Variants in ELOA observed in about 807,000 individuals in gnomAD.
ELOA encodes elongin A, also known as elongin-A.
Under a neutral mutation model 85.2 loss-of-function variants are expected in ELOA, and 15 were observed. The ratio of observed to expected loss-of-function variants is 0.18; its 90% CI spans 0.12 to 0.27. ELOA has a LOEUF of 0.27. Ranked by LOEUF, ELOA falls within the 10% of genes least tolerant of loss-of-function variation. The pLI is 1.00. For missense variants in ELOA, 769 were observed against 952.7 expected (o/e 0.81, Z 2.54); for synonymous variants, 348 against 357.2 (o/e 0.97, Z 0.29).
chr1:23,756,010 C>T lies in ELOA; in HGVS notation c.1959C>T (p.Ala653=). ...CAAAGAATATCCAGTTCGCACATGC[C>T]AATAAGCCCAAAGGTAACAGAGACG... ...VLTKNIQFAH[A]NKPKGRQAKM... The change falls in exon 8 of 11, where the codon GCC becomes GCT. Residue 653 remains alanine, a synonymous_variant. Transcript: ENST00000613537. 1 of 1,612,920 alleles carries T rather than the reference C, an allele frequency of 6.2e-7. No individual in the cohort carries two copies. The highest frequency in any genetic ancestry group is 8.5e-7 in the Non-Finnish European group (1 of 1,179,654).
At chr1:23,749,801 T>C in intron 2 of ELOA, 41 bp from the exon 3 acceptor site, 1 of 1,565,242 alleles carries the variant, frequency 6.4e-7, no homozygotes, top group Non-Finnish European at 8.8e-7. Flanking sequence ...AACGTTAGCC[T>C]AGTTCCAGAC....
intron 1 of ELOA, among the ~76,000 whole-genome samples, chr1:23,748,554 A>G (rs1322678717): frequency 6.6e-6 from 1 of 152,174 alleles, no homozygotes; most frequent in Non-Finnish European, 1.5e-5. Context: ...TCTGTTAAAC[A>G]CTGTGGCCCT....
chr1:23,748,632 A>G (rs75387112), intron 1 of ELOA, among the ~76,000 whole-genome samples: 4,227 of 152,306 alleles, frequency 0.028, 180 homozygotes, highest in African/African-American at 0.095. Context: ...TGCCAGGTCC[A>G]TGGGTAATTC....
Position 23,757,014 on chromosome 1 carries a change from A to G in ELOA, c.2146A>G (p.Asn716Asp). The change falls in exon 10 of 11, where the codon AAC becomes GAC. Residue 716 changes from asparagine (N) to aspartate (D), a missense_variant. Transcript: ENST00000613537. ...SHASASSISF[N>D]PSPEEPAYDG... The stretch of plus-strand genomic sequence containing the variant: ...TGCTTCCGCCAGTAGCATCAGCTTT[A>G]ACCCCAGCCCTGAGGAGCCGGCCTA... 6.2e-7 allele frequency: 1 copy of G among 1,609,024 alleles called. No homozygotes were observed.
intron 1 of ELOA, among the ~76,000 whole-genome samples, chr1:23,746,754 GCCTCAA>G (rs1644749049): frequency 1.3e-5 from 2 of 152,144 alleles, no homozygotes; most frequent in Non-Finnish European, 2.9e-5. Flanking sequence ...CAACTGAGAT[GCCTCAA>G]CATGTACCTT....
At chr1:23,745,614 T>C (rs962659885) in intron 1 of ELOA, among the ~76,000 whole-genome samples, 1 of 151,922 alleles carries the variant, frequency 6.6e-6, no homozygotes, top group African/African-American at 2.4e-5. Context: ...TGAGAAAATG[T>C]TGGGAGATCA....
At chr1:23,749,760 C>G in intron 2 of ELOA, 82 bp from the exon 3 acceptor site, 1 of 1,215,894 alleles carries the variant, frequency 8.2e-7, no homozygotes, top group Non-Finnish European at 1.2e-6. Flanking sequence ...TGTTGAGTTT[C>G]TCAAAGTAGA....
At position 23,761,561 on chromosome 1, in the gene ELOA, A is replaced by T. The variant is rs572133257; in HGVS notation, c.*1988A>T. 1 of 152,178 alleles carries T rather than the reference A, an allele frequency of 6.6e-6. No individual in the cohort carries two copies. The highest frequency in any genetic ancestry group is 1.5e-5 in the Non-Finnish European group (1 of 68,040). 9.4% of individuals were successfully genotyped at this position (152,178 alleles called of 1,614,324 possible). A position where few individuals can be genotyped will look rare whatever the true frequency, so the allele number is the denominator to read the frequency against. On this transcript the variant is annotated 3_prime_UTR_variant, in exon 11 of 11. Transcript: ENST00000613537. ...TTTTGGCACATAAAGATTTTTGATG[A>T]GCCCTGTTTGCATAGAGCCAGATGT... is the stretch of plus-strand genomic sequence containing the variant.
chr1:23,746,078 C>G (rs889632643), intron 1 of ELOA, among the ~76,000 whole-genome samples: 14 of 152,074 alleles, frequency 9.2e-5, no homozygotes, highest in Non-Finnish European at 1.6e-4. Flanking sequence ...CACCTGAGAT[C>G]AGGAGTTCGA....
At chr1:23,758,262 T>TTTTTA (rs1638236492) in intron 10 of ELOA, among the ~76,000 whole-genome samples, 1 of 59,128 alleles carries the variant, frequency 1.7e-5, no homozygotes, top group East Asian at 5.6e-4. Flanking sequence ...TTTATTTATT[T>TTTTTA]TTTTTTTTTT....
At chr1:23,746,971 A>G (rs971956931) in intron 1 of ELOA, among the ~76,000 whole-genome samples, 1 of 152,194 alleles carries the variant, frequency 6.6e-6, no homozygotes, top group Non-Finnish European at 1.5e-5. Context: ...AGACTAAATG[A>G]GTCTGAAAAT....
At chr1:23,744,932 T>C (rs1286363239) in intron 1 of ELOA, among the ~76,000 whole-genome samples, 1 of 152,132 alleles carries the variant, frequency 6.6e-6, no homozygotes, top group African/African-American at 2.4e-5. Context: ...AGAAAACCAA[T>C]CGTCATTCTT....
chr1:23,743,722 T>G, intron 1 of ELOA, 144 bp downstream of exon 1: 1 of 1,045,618 alleles, frequency 9.6e-7, no homozygotes, highest in Non-Finnish European at 1.3e-6. Flanking sequence ...TCGCGGCCAT[T>G]GACCGCTGCC....
chr1:23,755,779 CAAAAA>C (rs371132818), intron 7 of ELOA, 59 bp from the exon 8 acceptor site: 16 of 1,103,018 alleles, frequency 1.5e-5, no homozygotes, highest in Admixed American at 3.0e-5. Flanking sequence ...GACTCTGTCT[CAAAAA>C]AAAAAAAAAA....
At chr1:23,757,811 GAAA>G (rs575030502) in intron 10 of ELOA, among the ~76,000 whole-genome samples, 2 of 108,448 alleles carry the variant, frequency 1.8e-5, no homozygotes, top group African/African-American at 6.5e-5. Context: ...CCTGTCTCTG[GAAA>G]AAAAAAAAAA....
chr1:23,748,926 T>C, intron 1 of ELOA, 95 bp from the exon 2 acceptor site: 1 of 931,722 alleles, frequency 1.1e-6, no homozygotes. Context: ...ATACTTATAC[T>C]CATTACTGTA....
intron 1 of ELOA, among the ~76,000 whole-genome samples, 198 bp downstream of exon 1, chr1:23,743,776 C>A (rs945977447): frequency 1.3e-5 from 2 of 152,102 alleles, no homozygotes; most frequent in African/African-American, 4.8e-5. Flanking sequence ...ACGCGGGGCC[C>A]CGGCCGCTCC....
At position 23,749,866 on chromosome 1, in the gene ELOA, A is replaced by G. The variant is rs1343600308; in HGVS notation, c.157A>G (p.Asn53Asp). 2 of 1,613,872 alleles carry G rather than the reference A, an allele frequency of 1.2e-6. No individual in the cohort carries two copies. The highest frequency in any genetic ancestry group is 1.7e-6 in the Non-Finnish European group (2 of 1,179,902). ...LAETGVGKTV[N>D]SLRKHEHVGS... The stretch of plus-strand genomic sequence containing the variant: ...GGAGACTGGGGTTGGGAAAACAGTA[A>G]ATAGCTTGCGAAAACACGAGCATGT... Residue 53 changes from asparagine (N) to aspartate (D), a missense_variant, in exon 3 of 11, where the codon AAT becomes GAT. Around this residue, in one of 4 missense-constraint regions of ELOA, gnomAD observed 440 missense variants for 474.0 expected, o/e 0.93. Coordinates refer to ENST00000613537, the MANE Select transcript of ELOA (RefSeq NM_003198.3).
chr1:23,747,692 T>TG (rs1478177081), intron 1 of ELOA, among the ~76,000 whole-genome samples: 1 of 152,104 alleles, frequency 6.6e-6, no homozygotes, highest in Non-Finnish European at 1.5e-5. Context: ...GGATTTGAAG[T>TG]GGGGGATAAT....
Sources: allele counts gnomAD v4.1 joint callset (sites outside exome capture counted in the v4.1 genomes callset), GRCh38; gene constraint gnomAD v4.1.1; regional missense constraint gnomAD v4.1.1; transcripts MANE v1.5; gene names NCBI Gene and HGNC (gene_info 2026-07-23, HGNC 2026-07-21).